The following PALLD variants were observed in gnomAD, a reference collection of about 807,000 sequenced individuals.
PALLD encodes palladin, cytoskeletal associated protein, also known as palladin.
A neutral mutation model predicts 123.5 loss-of-function variants in PALLD; 61 were observed. The observed-to-expected ratio is 0.49, with a 90% CI of 0.40 to 0.61. The LOEUF (loss-of-function observed/expected upper bound fraction) is 0.61, where lower values mean the gene tolerates loss of function less well. Among genes scored for constraint, PALLD ranks in the 20% least tolerant of loss-of-function variants. The pLI, the probability that PALLD is intolerant of heterozygous loss-of-function variation, is 0.00. For synonymous variants in PALLD, 465 were observed against 496.4 expected (o/e 0.94, Z 0.84); for missense variants, 1,273 against 1,377.0 (o/e 0.92, Z 1.20).
intron 16 of PALLD, 75 bp from the exon 17 acceptor site, chr4:168,915,820 G>C (rs996407601): frequency 1.4e-4 from 169 of 1,176,502 alleles, no homozygotes; most frequent in Middle Eastern, 2.0e-4. Context: ...TGTATTTTAA[G>C]AAAACAGATG....
At chr4:168,843,217 G>T (rs977183472) in intron 10 of PALLD, among the ~76,000 whole-genome samples, 1 of 152,146 alleles carries the variant, frequency 6.6e-6, no homozygotes, top group African/African-American at 2.4e-5. Context: ...ATACCCATTG[G>T]ATATACTCTA....
chr4:168,498,854 C>T (rs1029863591), intron 1 of PALLD, among the ~76,000 whole-genome samples: 2 of 151,966 alleles, frequency 1.3e-5, no homozygotes, highest in Non-Finnish European at 2.9e-5. Context: ...GCAATGGACT[C>T]AGTATGGTGA....
chr4:168,899,440 C>T (rs966131003), intron 14 of PALLD, among the ~76,000 whole-genome samples: 4 of 152,160 alleles, frequency 2.6e-5, no homozygotes, highest in Admixed American at 2.0e-4. Flanking sequence ...TACACTATCA[C>T]ATGATAGGGA....
intron 10 of PALLD, among the ~76,000 whole-genome samples, chr4:168,731,460 A>T (rs1375312042): frequency 6.6e-6 from 1 of 152,196 alleles, no homozygotes; most frequent in East Asian, 1.9e-4. Context: ...TTAAGAGGGA[A>T]TCGTGACAGT....
chr4:168,659,387 C>T (rs1223849459), intron 2 of PALLD, among the ~76,000 whole-genome samples: 1 of 152,160 alleles, frequency 6.6e-6, no homozygotes, highest in African/African-American at 2.4e-5. Flanking sequence ...CAAGTATGGA[C>T]TTCATGAAGC....
At chr4:168,514,178 A>C (rs1162907148) in intron 2 of PALLD, among the ~76,000 whole-genome samples, 1 of 152,182 alleles carries the variant, frequency 6.6e-6, no homozygotes, top group Non-Finnish European at 1.5e-5. Flanking sequence ...AGTAGACATC[A>C]CTGGCTAAAG....
intron 2 of PALLD, among the ~76,000 whole-genome samples, chr4:168,539,461 C>T (rs973124272): frequency 6.6e-6 from 1 of 151,826 alleles, no homozygotes; most frequent in African/African-American, 2.4e-5. Context: ...GGTGGCGCAC[C>T]CCTGTAATCC....
chr4:168,646,235 G>A (rs145051050), intron 2 of PALLD, among the ~76,000 whole-genome samples: 2 of 152,284 alleles, frequency 1.3e-5, no homozygotes, highest in East Asian at 3.9e-4. Context: ...CATATCTCGT[G>A]CCCAAATACC....
chr4:168,915,905 A>G lies in PALLD; in HGVS notation c.2728A>G (p.Arg910Gly). ...GHPHVRRPRSRSRDSGDENEP... is the reference protein window; with the variant it reads ...GHPHVRRPRSGSRDSGDENEP... ...CTTTCTTGTTTCAAGGCCTCGTTCT[A>G]GATCAAGGGACAGTGGAGACGAAAA... The change falls in exon 17 of 22, where the codon AGA becomes GGA. Residue 910 changes from arginine to glycine, a missense_variant. Arg to Gly is a moderately radical substitution (Grantham distance 125). This residue lies in a region of PALLD where 329 missense variants were observed against 422.5 expected (regional missense o/e 0.78). Coordinates refer to ENST00000505667, the MANE Select transcript of PALLD (RefSeq NM_001166108.2). 2 of 1,612,892 alleles carry G rather than the reference A, an allele frequency of 1.2e-6. No individual in the cohort carries two copies. Among genetic ancestry groups the G allele is most frequent in the Non-Finnish European group, 1.7e-6 (2 of 1,178,848 alleles).
intron 10 of PALLD, among the ~76,000 whole-genome samples, chr4:168,759,190 A>AC (rs1285795044): frequency 3.8e-5 from 1 of 26,438 alleles, no homozygotes; most frequent in Non-Finnish European, 7.6e-5. Context: ...AAAAAAAAAA[A>AC]AAAAAAAAAA....
chr4:168,626,421 A>T (rs28766099), intron 2 of PALLD, among the ~76,000 whole-genome samples: 1 of 139,394 alleles, frequency 7.2e-6, no homozygotes, highest in East Asian at 2.1e-4. Flanking sequence ...AAAAAAAAAA[A>T]GGTGGTGACT....
At chr4:168,707,971 G>T (rs1344150788) in intron 8 of PALLD, among the ~76,000 whole-genome samples, 2 of 152,140 alleles carry the variant, frequency 1.3e-5, no homozygotes, top group Non-Finnish European at 2.9e-5. Context: ...TGAAGCATTT[G>T]CTCTGTGCCA....
intron 10 of PALLD, among the ~76,000 whole-genome samples, chr4:168,798,549 A>T (rs545012607): frequency 6.6e-6 from 1 of 152,218 alleles, no homozygotes; most frequent in African/African-American, 2.4e-5. Context: ...AGATAAAGAT[A>T]CAGATTTGCA....
intron 2 of PALLD, among the ~76,000 whole-genome samples, chr4:168,634,120 G>C (rs1307072517): frequency 6.6e-6 from 1 of 152,136 alleles, no homozygotes; most frequent in Non-Finnish European, 1.5e-5. Context: ...CACACCTTGG[G>C]CTGCATTTAA....
At chr4:168,742,435 G>A (rs988474955) in intron 10 of PALLD, among the ~76,000 whole-genome samples, 2 of 152,204 alleles carry the variant, frequency 1.3e-5, no homozygotes, top group African/African-American at 4.8e-5. Context: ...GGAGAAGACT[G>A]TGTGTTTTAA....
At chr4:168,921,778 T>C in intron 18 of PALLD, 37 bp downstream of exon 18, 1 of 1,460,650 alleles carries the variant, frequency 6.8e-7, no homozygotes, top group Non-Finnish European at 9.6e-7. Flanking sequence ...TCTGACAGAA[T>C]GAACATCAGA....
intron 10 of PALLD, among the ~76,000 whole-genome samples, chr4:168,745,422 A>T (rs1730135998): frequency 1.5e-5 from 1 of 67,634 alleles, no homozygotes. Context: ...AGTCTGTGAG[A>T]TGGGAGGGGG....
At chr4:168,840,817 G>A (rs540695012) in intron 10 of PALLD, among the ~76,000 whole-genome samples, 80 of 152,188 alleles carry the variant, frequency 5.3e-4, no homozygotes, top group African/African-American at 1.8e-3. Flanking sequence ...GAGTTGGGTA[G>A]GGTAGATATC....
At chr4:168,652,868 T>G (rs182012006) in intron 2 of PALLD, among the ~76,000 whole-genome samples, 2 of 152,356 alleles carry the variant, frequency 1.3e-5, no homozygotes, top group South Asian at 4.1e-4. Context: ...AGCATTATCT[T>G]AATTAAATTA....
Sources: gnomAD v4.1 joint callset for allele counts (sites outside exome capture counted in the v4.1 genomes callset) on GRCh38, gnomAD v4.1.1 for gene constraint, gnomAD v4.1.1 regional missense constraint, MANE v1.5 for transcripts, NCBI Gene and HGNC (gene_info 2026-07-23, HGNC 2026-07-21) for gene names.